ZNF133: variants seen among roughly 807,000 people sequenced by gnomAD.
ZNF133 encodes zinc finger protein 133, also known as zinc finger protein 133 (clone pHZ-13).
Under a neutral mutation model 54.9 loss-of-function variants are expected in ZNF133, and 26 were observed. That is an observed-to-expected ratio of 0.47 (90% CI 0.35 to 0.66). The LOEUF (loss-of-function observed/expected upper bound fraction) is 0.66, where lower values mean the gene tolerates loss of function less well. Among genes scored for constraint, ZNF133 ranks in the 30% least tolerant of loss-of-function variants. The probability of loss-of-function intolerance (pLI) is 0.01; values close to 1 mark genes in which losing one functional copy is unlikely to be tolerated. For synonymous variants in ZNF133, 298 were observed against 320.3 expected (o/e 0.93, Z 0.74); for missense variants, 653 against 820.8 (o/e 0.80, Z 2.50).
chr20:18,293,171 G>A (rs2041449454), intron 1 of ZNF133, among the ~76,000 whole-genome samples: 1 of 152,222 alleles, frequency 6.6e-6, no homozygotes, highest in African/African-American at 2.4e-5. Context: ...GCTTAGGAGA[G>A]CAACTATGTT....
At chr20:18,297,963 C>T (rs1268655034) in intron 1 of ZNF133, 22 bp from the exon 2 acceptor site, 1 of 1,477,504 alleles carries the variant, frequency 6.8e-7, no homozygotes, top group Non-Finnish European at 9.1e-7. Context: ...GACACCCTCC[C>T]ATTTCTGTTT....
At chr20:18,300,122 A>AT (rs1328697351) in intron 3 of ZNF133, among the ~76,000 whole-genome samples, 3 of 152,164 alleles carry the variant, frequency 2.0e-5, no homozygotes, top group African/African-American at 7.2e-5. Context: ...AGACTACTGC[A>AT]TTTAAAAAAA....
At chr20:18,291,069 C>T (rs535482580) in intron 1 of ZNF133, among the ~76,000 whole-genome samples, 46 of 152,102 alleles carry the variant, frequency 3.0e-4, no homozygotes, top group African/African-American at 1.0e-3. Context: ...AGCAAGACTC[C>T]ACCTCAAAAC....
Position 18,315,153 on chromosome 20 carries a change from G to A in ZNF133, c.302G>A (p.Cys101Tyr), listed in dbSNP as rs926099416. 12 of 1,609,788 alleles carry A rather than the reference G, an allele frequency of 7.5e-6. No homozygotes were observed. The highest frequency in any genetic ancestry group is 1.0e-5 in the Non-Finnish European group (12 of 1,177,366). ...SQKFPMQHVL[C>Y]NHPPWIFTCL... ...AAATTCCCCATGCAGCATGTGCTGT[G>A]TAATCATCCCCCCTGGATCTTCACA... Residue 101 changes from cysteine to tyrosine, a missense_variant, in exon 7 of 7, where the codon TGT becomes TAT. Cys to Tyr is a radical substitution (Grantham distance 194). This residue lies in a region of ZNF133 where 227 missense variants were observed against 233.9 expected (regional missense o/e 0.97). Transcript: ENST00000425686.
intron 2 of ZNF133, 80 bp downstream of exon 2, chr20:18,298,142 C>T (rs529801105): frequency 2.0e-6 from 3 of 1,531,806 alleles, no homozygotes; most frequent in Non-Finnish European, 2.6e-6. Flanking sequence ...CTTATTGGTG[C>T]CTAGTAGAGT....
chr20:18,308,554 T>G (rs1410590504), intron 6 of ZNF133, among the ~76,000 whole-genome samples: 1 of 152,256 alleles, frequency 6.6e-6, no homozygotes, highest in Non-Finnish European at 1.5e-5. Context: ...AATGCTGAAA[T>G]TCTCTTAGTT....
chr20:18,306,533 C>A, intron 6 of ZNF133, 140 bp downstream of exon 6: 1 of 941,044 alleles, frequency 1.1e-6, no homozygotes, highest in South Asian at 1.7e-5. Flanking sequence ...CCTGACACGG[C>A]CTCCCTTCCA....
chr20:18,310,583 C>T (rs1173405689), intron 6 of ZNF133, among the ~76,000 whole-genome samples: 1 of 152,074 alleles, frequency 6.6e-6, no homozygotes, highest in African/African-American at 2.4e-5. Context: ...AGGTTGGACT[C>T]ATAGAGAAAG....
Position 18,305,272 on chromosome 20 carries a change from C to A in ZNF133, c.-7+94C>A. On this transcript the variant is annotated intron_variant, in intron 4 of 6. Transcript: ENST00000425686. This position sits in a 1 kb window ranked among gnomAD's most constrained non-coding sequence, Gnocchi z 4.7. ...TTCACTACTCTCTGCTTGTGACCAT[C>A]AGGCCCGAGAAAGCCAAGCCGTAGG... 2.2e-6 allele frequency: 2 copies of A among 912,000 alleles called. No homozygotes were observed. The highest frequency in any genetic ancestry group is 4.6e-5 in the South Asian group (1 of 21,908). The allele number at this position is 912,000 out of a possible 1,614,324, so 56.5% of individuals were successfully genotyped here.
intron 6 of ZNF133, among the ~76,000 whole-genome samples, chr20:18,309,819 G>A (rs2045456744): frequency 6.6e-6 from 1 of 152,222 alleles, no homozygotes; most frequent in Admixed American, 6.5e-5. Context: ...TAATGCTTGA[G>A]ATATGAAAGG....
At chr20:18,302,144 T>G (rs2043494971) in intron 3 of ZNF133, among the ~76,000 whole-genome samples, 2 of 152,180 alleles carry the variant, frequency 1.3e-5, no homozygotes, top group Admixed American at 1.3e-4. Context: ...CTCATGCCTG[T>G]AATCCCAGCA....
intron 1 of ZNF133, among the ~76,000 whole-genome samples, chr20:18,295,900 T>G (rs190331872): frequency 5.3e-5 from 8 of 152,304 alleles, no homozygotes; most frequent in South Asian, 4.1e-4. Context: ...TTCCTTTTTA[T>G]TTGTAAAAGT....
intron 1 of ZNF133, chr20:18,289,895 G>C (rs73114298): frequency 0.072 from 11,008 of 152,290 alleles, 482 homozygotes; most frequent in Non-Finnish European, 0.089. Context: ...TTCTTCTGTG[G>C]CAGGTTCATT....
Position 18,288,531 on chromosome 20 carries a change from T to G in ZNF133, c.-505T>G, listed in dbSNP as rs1002765721. The G allele has an allele frequency of 2.5e-6, 1 of 398,564 alleles. No homozygotes were observed. The highest frequency in any genetic ancestry group is 2.1e-5 in the African/African-American group (1 of 48,720). The allele number at this position is 398,564 out of a possible 1,614,324, so 24.7% of individuals were successfully genotyped here. On this transcript the variant is annotated 5_prime_UTR_variant, in exon 1 of 7. Transcript: ENST00000425686. ...GCGCTGTGCCGAGGATTCGGGGTAGTGTAGTCCTGGCGCCCCGCTGGAGGA... is the reference window on the plus strand; with the variant it reads ...GCGCTGTGCCGAGGATTCGGGGTAGGGTAGTCCTGGCGCCCCGCTGGAGGA...
rs759550511 is a variant in ZNF133, at chr20:18,316,525, C to T, written c.1674C>T (p.Gly558=). The change falls in exon 7 of 7, where the codon GGC becomes GGT. Residue 558 remains glycine, a synonymous_variant. Transcript: ENST00000425686. ...ACATGTGCAGGCAGTGTGGACTGGG[C>T]TTTGGCAATAAGTCAGCTCTAATTA... ...KPYMCRQCGL[G]FGNKSALITH... 6 of 1,614,046 alleles carry T rather than the reference C, an allele frequency of 3.7e-6. No individual in the cohort carries two copies. In the Admixed American group the frequency reaches 1.0e-4, roughly 27 times the overall value.
At chr20:18,310,783 G>A (rs1207492301) in intron 6 of ZNF133, among the ~76,000 whole-genome samples, 2 of 152,078 alleles carry the variant, frequency 1.3e-5, no homozygotes, top group African/African-American at 2.4e-5. Context: ...AAAATGATAG[G>A]TATGTGAGGT....
intron 3 of ZNF133, among the ~76,000 whole-genome samples, chr20:18,303,375 T>C (rs1402789435): frequency 3.3e-5 from 5 of 152,130 alleles, no homozygotes; most frequent in Non-Finnish European, 7.4e-5. Context: ...ATAATAATAC[T>C]ACTCAAACCA....
Position 18,305,749 on chromosome 20 carries a change from T to G in ZNF133, c.63T>G (p.Ala21=). ...ATGAGTGGAGGCTGCTGAGCCCTGCTCAAAGGACTCTGTACAGAGAGGTGA... is the reference window on the plus strand; with the variant it reads ...ATGAGTGGAGGCTGCTGAGCCCTGCGCAAAGGACTCTGTACAGAGAGGTGA... ...TQDEWRLLSP[A]QRTLYREVML... The change falls in exon 5 of 7, where the codon GCT becomes GCG. Residue 21 remains alanine (A), a synonymous_variant. Coordinates refer to ENST00000425686, the MANE Select transcript of ZNF133 (RefSeq NM_001352452.2). The surrounding 1 kb of genome is among the most constrained non-coding windows in gnomAD (Gnocchi z 4.7). 2 of 1,614,146 alleles carry G rather than the reference T, an allele frequency of 1.2e-6. No individual in the cohort carries two copies. The highest frequency in any genetic ancestry group is 1.7e-6 in the Non-Finnish European group (2 of 1,180,006).
chr20:18,289,529 T>C (rs2040426581), intron 1 of ZNF133, among the ~76,000 whole-genome samples: 1 of 152,122 alleles, frequency 6.6e-6, no homozygotes, highest in South Asian at 2.1e-4. Flanking sequence ...GCCCTTACTG[T>C]GTAAGAGCAC....
Sources: gnomAD v4.1 joint callset for allele counts (sites outside exome capture counted in the v4.1 genomes callset) on GRCh38, gnomAD v4.1.1 for gene constraint, gnomAD v4.1.1 regional missense constraint, Gnocchi (gnomAD v3.1) non-coding constraint, MANE v1.5 for transcripts, NCBI Gene and HGNC (gene_info 2026-07-23, HGNC 2026-07-21) for gene names.